The following GTF2E1 variants were observed in gnomAD, a reference collection of about 807,000 sequenced individuals.
The protein encoded by GTF2E1 is general transcription factor IIE subunit 1, also known as TFIIE alpha subunit.
GTF2E1 carries 14 observed loss-of-function variants against 34.9 expected under a neutral mutation model. The ratio of observed to expected loss-of-function variants is 0.40; its 90% CI spans 0.27 to 0.63. The LOEUF (loss-of-function observed/expected upper bound fraction) is 0.63. GTF2E1 is among the 20% of genes least tolerant of loss of function. The pLI is 0.39. For missense variants in GTF2E1, 469 were observed against 557.7 expected, an observed-to-expected ratio of 0.84 and a Z score of 1.60; for synonymous variants, 188 against 192.9, an observed-to-expected ratio of 0.97 and a Z score of 0.21.
intron 4 of GTF2E1, among the ~76,000 whole-genome samples, chr3:120,780,343 C>A (rs1709436438): frequency 6.6e-6 from 1 of 152,032 alleles, no homozygotes; most frequent in South Asian, 2.1e-4. Flanking sequence ...GGATAGGATA[C>A]ATTTAAAAGG....
At chr3:120,744,402 A>G (rs1709086684) in intron 1 of GTF2E1, among the ~76,000 whole-genome samples, 1 of 152,166 alleles carries the variant, frequency 6.6e-6, no homozygotes, top group South Asian at 2.1e-4. Context: ...GCTTGATTTC[A>G]TTCCTGAGCT....
intron 2 of GTF2E1, among the ~76,000 whole-genome samples, chr3:120,755,220 A>G (rs1709198509): frequency 6.6e-6 from 1 of 152,216 alleles, no homozygotes; most frequent in Non-Finnish European, 1.5e-5. Context: ...TACTTGAGAT[A>G]TTCATATGTA....
rs74335002 is a variant in GTF2E1 at position 120,742,751 on chromosome 3, G to A, written c.-74G>A. The A allele has an allele frequency of 1.8e-5, 10 of 557,760 alleles. No homozygotes were observed. The highest frequency in any genetic ancestry group is 3.1e-5 in the East Asian group (1 of 31,970). 34.6% of individuals were successfully genotyped at this position (557,760 alleles called of 1,614,324 possible). ...TGGTTCATTTAAGCCGGTAGTTGAAGCGCTGGGGGCAGCTGTAGTGGGAGT... is the reference window on the plus strand; with the variant it reads ...TGGTTCATTTAAGCCGGTAGTTGAAACGCTGGGGGCAGCTGTAGTGGGAGT... On this transcript the variant is annotated 5_prime_UTR_variant, in exon 1 of 5. Transcript: ENST00000283875.
chr3:120,744,644 AT>A (rs892176039), intron 1 of GTF2E1, among the ~76,000 whole-genome samples: 1 of 150,286 alleles, frequency 6.7e-6, no homozygotes, highest in Non-Finnish European at 1.5e-5. Context: ...GGTCCTTTTG[AT>A]TTTTTTTTCT....
chr3:120,781,244 C>A lies in GTF2E1; in HGVS notation c.1094C>A (p.Ser365Tyr). The A allele has an allele frequency of 6.2e-7, 1 of 1,614,110 alleles. No homozygotes were observed. ...ESETSESDDD[S>Y]PPRPAAVAVH... ...GAGACCAGTGAGTCAGATGATGATT[C>A]TCCACCCCGTCCGGCAGCTGTGGCT... The change falls in exon 5 of 5, where the codon TCT becomes TAT. Residue 365 changes from serine to tyrosine, a missense_variant. By Grantham distance (144) the Ser-to-Tyr change is moderately radical. Transcript: ENST00000283875.
At chr3:120,759,520 A>G (rs1382498965) in intron 2 of GTF2E1, among the ~76,000 whole-genome samples, 3 of 152,158 alleles carry the variant, frequency 2.0e-5, no homozygotes, top group East Asian at 3.9e-4. Flanking sequence ...ACTTATGCCT[A>G]TGTCCTGAAT....
chr3:120,743,805 G>A lies in GTF2E1; in HGVS notation c.-31+1011G>A, dbSNP rs1709079517. On this transcript the variant is annotated intron_variant, in intron 1 of 4. Coordinates refer to ENST00000283875, the MANE Select transcript of GTF2E1 (RefSeq NM_005513.3). ...ATGGAATTGAGAATATGCTGGTGTG[G>A]CTGGTTATGAGGCTGACAGGGTAGA... is the stretch of plus-strand genomic sequence containing the variant. 2.6e-5 allele frequency among the ~76,000 whole-genome samples: 4 copies of A among 152,322 alleles called. No homozygotes were observed. The South Asian group carries it at 8.3e-4, about 32-fold the overall frequency.
At chr3:120,744,823 A>G (rs1314544196) in intron 1 of GTF2E1, among the ~76,000 whole-genome samples, 1 of 152,174 alleles carries the variant, frequency 6.6e-6, no homozygotes, top group East Asian at 1.9e-4. Flanking sequence ...TATGAATGCC[A>G]GTACTTAATT....
At chr3:120,776,357 CCTT>C in intron 3 of GTF2E1, 63 bp from the exon 4 acceptor site, 1 of 1,449,422 alleles carries the variant, frequency 6.9e-7, no homozygotes, top group South Asian at 1.3e-5. Flanking sequence ...CCCTAGCTGC[CCTT>C]CTTTTCCAAC....
chr3:120,746,495 A>AG (rs893904876), intron 1 of GTF2E1, among the ~76,000 whole-genome samples: 2 of 152,008 alleles, frequency 1.3e-5, no homozygotes, highest in African/African-American at 4.8e-5. Flanking sequence ...TCTCCAAAAA[A>AG]AAAAAAAATT....
intron 3 of GTF2E1, among the ~76,000 whole-genome samples, chr3:120,774,620 C>A (rs1709382986): frequency 1.6e-5 from 2 of 128,446 alleles, no homozygotes; most frequent in African/African-American, 3.0e-5. Flanking sequence ...TAGCATAAGA[C>A]TTCAGAATAT....
At chr3:120,770,353 G>A (rs1269715212) in intron 2 of GTF2E1, among the ~76,000 whole-genome samples, 1 of 152,080 alleles carries the variant, frequency 6.6e-6, no homozygotes, top group Non-Finnish European at 1.5e-5. Context: ...CATAACGTAG[G>A]CCCAAATGTG....
intron 2 of GTF2E1, among the ~76,000 whole-genome samples, chr3:120,763,142 G>A (rs187382851): frequency 8.3e-4 from 127 of 152,190 alleles, no homozygotes; most frequent in East Asian, 1.2e-3. Flanking sequence ...ATTGGCTATC[G>A]TCTTTTAGGT....
chr3:120,774,724 A>T (rs1479810881), intron 3 of GTF2E1, among the ~76,000 whole-genome samples: 1 of 152,128 alleles, frequency 6.6e-6, no homozygotes, highest in African/African-American at 2.4e-5. Context: ...TAACTGGTAG[A>T]AAGTAGGAGC....
chr3:120,781,052 A>G lies in GTF2E1; in HGVS notation c.902A>G (p.Asp301Gly). The G allele has an allele frequency of 1.2e-6, 2 of 1,611,010 alleles. No homozygotes were observed. Among genetic ancestry groups the G allele is most frequent in the Non-Finnish European group, 1.7e-6 (2 of 1,177,758 alleles). Reference sequence around the variant, plus strand: ...GAGTTTTACTCCCCAGGGGGCATAGATATGGACGCATTTCAGGAGCGTGAG... The same window carrying G: ...GAGTTTTACTCCCCAGGGGGCATAGGTATGGACGCATTTCAGGAGCGTGAG... ...GSEDMKEGGI[D>G]MDAFQEREEG... Residue 301 changes from aspartate to glycine, a missense_variant, in exon 5 of 5, where the codon GAT becomes GGT. Transcript: ENST00000283875.
At chr3:120,749,793 A>C (rs1051936360) in intron 1 of GTF2E1, 2 of 152,310 alleles carry the variant, frequency 1.3e-5, no homozygotes, top group Non-Finnish European at 2.9e-5. Context: ...TTGAGAAGAC[A>C]GCTTTCTGGG....
chr3:120,749,205 A>G (rs1357951530), intron 1 of GTF2E1, among the ~76,000 whole-genome samples: 2 of 151,960 alleles, frequency 1.3e-5, no homozygotes, highest in South Asian at 2.1e-4. Flanking sequence ...GCAAACAGAG[A>G]CAATTTGACT....
At position 120,750,547 on chromosome 3, in the gene GTF2E1, C is replaced by G. The variant is rs374220014; in HGVS notation, c.-6C>G. The G allele has an allele frequency of 1.9e-6, 3 of 1,599,580 alleles. No homozygotes were observed. The highest frequency in any genetic ancestry group is 2.2e-5 in the South Asian group (2 of 90,364). On this transcript the variant is annotated 5_prime_UTR_variant, in exon 2 of 5. Transcript: ENST00000283875. ...GTATATTTAAAGTTGGAGTTCGTTG[C>G]TAAAGATGGCAGACCCAGATGTCCT...
rs1195933222 is a variant in GTF2E1 at position 120,781,086 on chromosome 3, T to C, written c.936T>C (p.His312=). The change falls in exon 5 of 5, where the codon CAT becomes CAC. Residue 312 remains histidine (H), a synonymous_variant. Transcript: ENST00000283875. ...MDAFQEREEG[H]AGPDDNEEVM... Reference sequence around the variant, plus strand: ...CATTTCAGGAGCGTGAGGAAGGCCATGCTGGGCCTGATGACAACGAAGAGG... The same window carrying C: ...CATTTCAGGAGCGTGAGGAAGGCCACGCTGGGCCTGATGACAACGAAGAGG... 1 of 1,614,050 alleles carries C rather than the reference T, an allele frequency of 6.2e-7. No homozygotes were observed. The highest frequency in any genetic ancestry group is 1.3e-5 in the African/African-American group (1 of 75,060).
Sources: allele counts gnomAD v4.1 joint callset (sites outside exome capture counted in the v4.1 genomes callset), GRCh38; gene constraint gnomAD v4.1.1; transcripts MANE v1.5; gene names NCBI Gene and HGNC (gene_info 2026-07-23, HGNC 2026-07-21).